The following UTP6 variants were observed in gnomAD, a reference collection of about 807,000 sequenced individuals.
UTP6 encodes UTP6 small subunit processome component.
Under a neutral mutation model 96.5 loss-of-function variants are expected in UTP6, and 60 were observed. The ratio of observed to expected loss-of-function variants is 0.62; its 90% CI spans 0.51 to 0.77. The LOEUF is 0.77. Ranked by LOEUF, UTP6 falls within the 30% of genes least tolerant of loss-of-function variation. UTP6 has a pLI of 0.00. For missense variants in UTP6, 637 were observed against 706.5 expected (o/e 0.90, Z 1.12); for synonymous variants, 215 against 240.1 (o/e 0.90, Z 0.96).
At chr17:31,897,948 A>C (rs1482530979) in intron 2 of UTP6, among the ~76,000 whole-genome samples, 1 of 152,194 alleles carries the variant, frequency 6.6e-6, no homozygotes, top group Non-Finnish European at 1.5e-5. Context: ...ATAGATAAAC[A>C]AGCAGTAACT....
chr17:31,880,886 T>G, intron 10 of UTP6, 132 bp from the exon 11 acceptor site: 1 of 1,245,158 alleles, frequency 8.0e-7, no homozygotes, highest in Non-Finnish European at 1.1e-6. Context: ...TAAAAACTAT[T>G]TCCCAGGCCG....
Position 31,863,209 on chromosome 17 carries a change from A to C in UTP6, c.*150T>G. ...AATTTTTTAATTTTTAAAAAGATTT[A>C]ACAAGTTAACATAAAATTAAAGTGT... On this transcript the variant is annotated 3_prime_UTR_variant, in exon 19 of 19. Transcript: ENST00000261708. 1.2e-6 allele frequency: 1 copy of C among 840,644 alleles called. No individual in the cohort carries two copies. Among genetic ancestry groups the C allele is most frequent in the South Asian group, 1.8e-5 (1 of 56,180 alleles). The allele number at this position is 840,644 out of a possible 1,614,324, so 52.1% of individuals were successfully genotyped here. A position where few individuals can be genotyped will look rare whatever the true frequency, so the allele number is the denominator to read the frequency against.
intron 4 of UTP6, among the ~76,000 whole-genome samples, chr17:31,893,576 A>G (rs1011391296): frequency 2.6e-5 from 4 of 151,764 alleles, no homozygotes; most frequent in African/African-American, 9.7e-5. Context: ...CTAAAAATAC[A>G]AAAATTAGCC....
At position 31,887,322 on chromosome 17, in the gene UTP6, G is replaced by A. The variant is rs776640977; in HGVS notation, c.544-9C>T. On this transcript the variant is annotated splice_polypyrimidine_tract_variant and intron_variant, in intron 7 of 18. Transcript: ENST00000261708. ...AGCTCCATCCTAAAGTACTACAGAA[G>A]AGAAATAAACTGAAAATCTTTGGAG... 1.2e-6 allele frequency: 2 copies of A among 1,612,458 alleles called. No individual in the cohort carries two copies. Among genetic ancestry groups the A allele is most frequent in the Admixed American group, 3.3e-5 (2 of 59,816 alleles).
intron 1 of UTP6, chr17:31,901,298 G>A (rs1050085591): frequency 1.7e-5 from 9 of 524,892 alleles, no homozygotes; most frequent in Non-Finnish European, 3.1e-5. Flanking sequence ...CACCTTTACA[G>A]CCCTAAGACC....
In UTP6 at chr17:31,880,762, A is replaced by C; in HGVS notation, c.786-8T>G. ...GTGTGTAGAGCCTGAAGGCTGAAAAATACAATTTACTGTTATCAATCCCAC... is the reference window on the plus strand; with the variant it reads ...GTGTGTAGAGCCTGAAGGCTGAAAACTACAATTTACTGTTATCAATCCCAC... On this transcript the variant is annotated splice_region_variant and splice_polypyrimidine_tract_variant and intron_variant, in intron 10 of 18. Transcript: ENST00000261708. 1 of 1,614,000 alleles carries C rather than the reference A, an allele frequency of 6.2e-7. No homozygotes were observed. The highest frequency in any genetic ancestry group is 2.2e-5 in the East Asian group (1 of 44,880).
At chr17:31,875,537 A>G in intron 13 of UTP6, 124 bp from the exon 14 acceptor site, 1 of 1,165,636 alleles carries the variant, frequency 8.6e-7, no homozygotes, top group African/African-American at 1.6e-5. Context: ...TTTAAAATAA[A>G]AAAGAGGCCA....
Position 31,886,045 on chromosome 17 carries a change from G to A in UTP6, c.638C>T (p.Ser213Phe). ...CAACTCGCCCTTAAGGATTTCTTCA[G>A]AATAATCAGGATTCTCCTAAAGAGT... ...ASMDVENPDY[S>F]EEILKGELAW... Residue 213 changes from serine to phenylalanine, a missense_variant, in exon 9 of 19, where the codon TCT (serine) becomes TTT (phenylalanine). By Grantham distance (155) the Ser-to-Phe change is radical. Coordinates refer to ENST00000261708, the MANE Select transcript of UTP6 (RefSeq NM_018428.3). 1 of 1,613,466 alleles carries A rather than the reference G, an allele frequency of 6.2e-7. No individual in the cohort carries two copies.
intron 6 of UTP6, 160 bp downstream of exon 6, chr17:31,892,100 T>G: frequency 1.5e-6 from 1 of 660,516 alleles, no homozygotes; most frequent in Non-Finnish European, 2.6e-6. Context: ...TAGGCAGGGG[T>G]GAACTATGAG....
chr17:31,869,902 A>C, intron 16 of UTP6, among the ~76,000 whole-genome samples: 1 of 152,156 alleles, frequency 6.6e-6, no homozygotes, highest in East Asian at 1.9e-4. Flanking sequence ...GTTTAGCTAT[A>C]ATTGCAAGTG....
At chr17:31,896,553 T>C (rs1162806634) in intron 2 of UTP6, among the ~76,000 whole-genome samples, 3 of 152,228 alleles carry the variant, frequency 2.0e-5, no homozygotes, top group South Asian at 2.1e-4. Context: ...TATGTGTATA[T>C]GTAGTTCTAA....
In UTP6 at chr17:31,880,562, G is replaced by A; in HGVS notation, c.967+11C>T. 1 of 1,614,020 alleles carries A rather than the reference G, an allele frequency of 6.2e-7. No individual in the cohort carries two copies. The highest frequency in any genetic ancestry group is 8.5e-7 in the Non-Finnish European group (1 of 1,179,964). ...TCCTTCTATATCACACCATGGTTTG[G>A]TGAAGTTCACCTGTTGGCAGAGTCT... On this transcript the variant is annotated intron_variant, in intron 11 of 18. Transcript: ENST00000261708.
At chr17:31,875,520 A>T in intron 13 of UTP6, 107 bp from the exon 14 acceptor site, 1 of 1,288,542 alleles carries the variant, frequency 7.8e-7, no homozygotes, top group Non-Finnish European at 1.1e-6. Flanking sequence ...CAACCTTTCC[A>T]CTACAATTTA....
intron 18 of UTP6, 60 bp downstream of exon 18, chr17:31,865,306 C>T: frequency 1.3e-6 from 2 of 1,564,488 alleles, no homozygotes; most frequent in Non-Finnish European, 1.8e-6. Context: ...AGCCACTGTA[C>T]TCAGCCAAGA....
intron 2 of UTP6, among the ~76,000 whole-genome samples, chr17:31,897,353 C>A (rs1433810592): frequency 1.3e-5 from 2 of 151,720 alleles, no homozygotes. Flanking sequence ...CTCATAGGAC[C>A]TCTTCCAAAA....
At position 31,892,794 on chromosome 17, in the gene UTP6, C is replaced by T; in HGVS notation, c.313G>A (p.Asp105Asn). Residue 105 changes from aspartate (D) to asparagine (N), a missense_variant and splice_region_variant, in exon 5 of 19, where the codon GAC becomes AAC. By Grantham distance (23) the Asp-to-Asn change is conservative. Transcript: ENST00000261708. ...TAGGAGAGCCAAAGTTGAACATCGT[C>T]CTGCAAGAAAAGCAATGTAGTAAGC... is the stretch of plus-strand genomic sequence containing the variant. ...VFQRASAKWK[D>N]DVQLWLSYVA... 2 of 1,614,134 alleles carry T rather than the reference C, an allele frequency of 1.2e-6. No homozygotes were observed. The highest frequency in any genetic ancestry group is 1.7e-6 in the Non-Finnish European group (2 of 1,180,012).
intron 9 of UTP6, 106 bp from the exon 10 acceptor site, chr17:31,884,611 A>C: frequency 1.2e-6 from 1 of 860,486 alleles, no homozygotes; most frequent in Non-Finnish European, 1.8e-6. Context: ...TTGTTTTTTG[A>C]AATGAGAAAT....
intron 17 of UTP6, 91 bp downstream of exon 17, chr17:31,867,955 C>CA (rs894578201): frequency 4.0e-4 from 526 of 1,322,150 alleles, no homozygotes; most frequent in African/African-American, 1.4e-3. Flanking sequence ...GACTCTGCCT[C>CA]AAAAAAAACA....
In UTP6 at chr17:31,861,298, A is replaced by T. The variant is rs965350271; in HGVS notation, c.*2061T>A. 1.3e-5 allele frequency: 2 copies of T among 152,090 alleles called. No homozygotes were observed. Among genetic ancestry groups the T allele is most frequent in the African/African-American group, 4.8e-5 (2 of 41,420 alleles). 9.4% of individuals were successfully genotyped at this position (152,090 alleles called of 1,614,324 possible). A position where few individuals can be genotyped will look rare whatever the true frequency, so the allele number is the denominator to read the frequency against. On this transcript the variant is annotated 3_prime_UTR_variant, in exon 19 of 19. Transcript: ENST00000261708. ...TTATTTGCAACAAATGAGAAACAAG[A>T]TATTAATATTCTGAATATGTTTTTA...
Sources: gnomAD v4.1 joint callset for allele counts (sites outside exome capture counted in the v4.1 genomes callset) on GRCh38, gnomAD v4.1.1 for gene constraint, MANE v1.5 for transcripts, NCBI Gene and HGNC (gene_info 2026-07-23, HGNC 2026-07-21) for gene names.